The following WNT5A variants were observed in gnomAD, a reference collection of about 807,000 sequenced individuals.
The protein encoded by WNT5A is Wnt family member 5A.
Under a neutral mutation model 42.1 loss-of-function variants are expected in WNT5A, and 9 were observed. The observed-to-expected ratio is 0.21, with a 90% CI of 0.13 to 0.37. The LOEUF (loss-of-function observed/expected upper bound fraction) is 0.37, where lower values mean the gene tolerates loss of function less well. Ranked by LOEUF, WNT5A falls within the 10% of genes least tolerant of loss-of-function variation. The pLI is 1.00. For missense variants in WNT5A, 426 were observed against 534.0 expected (o/e 0.80, Z 1.99); for synonymous variants, 210 against 210.0 (o/e 1.00, Z 0.00).
At position 55,469,935 on chromosome 3, in the gene WNT5A, C is replaced by T. The variant is rs2051213653; in HGVS notation, c.*157G>A. 1 of 708,060 alleles carries T rather than the reference C, an allele frequency of 1.4e-6. No individual in the cohort carries two copies. Among genetic ancestry groups the T allele is most frequent in the African/African-American group, 1.8e-5 (1 of 55,620 alleles). The allele number at this position is 708,060 out of a possible 1,614,324, so 43.9% of individuals were successfully genotyped here. A position where few individuals can be genotyped will look rare whatever the true frequency, so the allele number is the denominator to read the frequency against. On this transcript the variant is annotated 3_prime_UTR_variant, in exon 5 of 5. Coordinates refer to ENST00000264634, the MANE Select transcript of WNT5A (RefSeq NM_003392.7). The stretch of plus-strand genomic sequence containing the variant: ...TAATAATTATAATATTAATAATAAA[C>T]CACAGAGTTCTTAGATGGTAACAGG...
At chr3:55,470,592 G>T (rs767555957) in intron 4 of WNT5A, 42 bp from the exon 5 acceptor site, 8 of 1,456,478 alleles carry the variant, frequency 5.5e-6, no homozygotes, top group Non-Finnish European at 7.3e-6. Context: ...ATTCATGGAG[G>T]AGCCAGATGC....
chr3:55,485,590 C>G (rs1295303934), intron 1 of WNT5A, among the ~76,000 whole-genome samples: 3 of 152,158 alleles, frequency 2.0e-5, no homozygotes, highest in African/African-American at 4.8e-5. Flanking sequence ...CCGCATTGCC[C>G]CCTCGAAACT....
At chr3:55,502,637 A>G in the WNT5A span, among the ~76,000 whole-genome samples, 1 of 152,184 alleles carries the variant, frequency 6.6e-6, no homozygotes, top group Non-Finnish European at 1.5e-5. Flanking sequence ...TTTTCATAGA[A>G]CCCATTAAGC....
rs564278160 is a variant in WNT5A, at chr3:55,474,671, C to T, written c.392-42G>A. ...GGGATCACTGGCCGCCTGCCTCACG[C>T]GCTGGGCCGGGATGCTGCCGGGGGT... On this transcript the variant is annotated intron_variant, in intron 3 of 4. Transcript: ENST00000264634. 332 of 894,446 alleles carry T rather than the reference C, an allele frequency of 3.7e-4. 5 individuals are homozygous for T. In the South Asian group the frequency reaches 7.5e-3, roughly 20 times the overall value. The allele number at this position is 894,446 out of a possible 1,614,324, so 55.4% of individuals were successfully genotyped here.
the WNT5A span, among the ~76,000 whole-genome samples, chr3:55,500,937 A>G: frequency 6.6e-6 from 1 of 152,252 alleles, no homozygotes; most frequent in African/African-American, 2.4e-5. Flanking sequence ...ACCAGAATCA[A>G]AAAAGAGGTA....
rs753476293 is a variant in WNT5A at position 55,465,977 on chromosome 3, A to G, written c.*4115T>C. On this transcript the variant is annotated 3_prime_UTR_variant, in exon 5 of 5. Coordinates refer to ENST00000264634, the MANE Select transcript of WNT5A (RefSeq NM_003392.7). ...TTTTTTAAAGTTAGCTAACAAGATG[A>G]TGTTTCACTAAAATAAAATATCCAA... 5 of 152,194 alleles carry G rather than the reference A, an allele frequency of 3.3e-5. No individual in the cohort carries two copies. The highest frequency in any genetic ancestry group is 7.3e-5 in the Non-Finnish European group (5 of 68,030). The allele number at this position is 152,194 out of a possible 1,614,324, so 9.4% of individuals were successfully genotyped here.
chr3:55,492,279 C>G (rs867026622), upstream of WNT5A, among the ~76,000 whole-genome samples: 1 of 151,966 alleles, frequency 6.6e-6, no homozygotes, highest in Non-Finnish European at 1.5e-5. Flanking sequence ...TTTTAGGGAA[C>G]CTGTGGGTCA....
rs781134677 is a variant in WNT5A at position 55,486,999 on chromosome 3, G to A, written c.-14C>T. On this transcript the variant is annotated 5_prime_UTR_variant, in exon 1 of 5. Coordinates refer to ENST00000264634, the MANE Select transcript of WNT5A (RefSeq NM_003392.7). ...ACCTACCTTCATGGCGAGGGGGAGG[G>A]GGCGCGGGGAGGAAGTCGCCACCCG... 71 of 1,611,490 alleles carry A rather than the reference G, an allele frequency of 4.4e-5. No homozygotes were observed. The highest frequency in any genetic ancestry group is 5.6e-5 in the Non-Finnish European group (66 of 1,178,872).
chr3:55,475,788 G>A (rs1207639023), intron 3 of WNT5A, among the ~76,000 whole-genome samples: 2 of 152,170 alleles, frequency 1.3e-5, no homozygotes, highest in Admixed American at 6.5e-5. Flanking sequence ...TATTTGTAAG[G>A]AGAAAACTGG....
chr3:55,496,371 T>C, the WNT5A span, among the ~76,000 whole-genome samples: 1 of 152,222 alleles, frequency 6.6e-6, no homozygotes, highest in African/African-American at 2.4e-5. Context: ...AAGATCCCCA[T>C]GTCATTGAAT....
chr3:55,485,085 G>A (rs1385129093), intron 1 of WNT5A, among the ~76,000 whole-genome samples: 2 of 152,030 alleles, frequency 1.3e-5, no homozygotes, highest in African/African-American at 4.8e-5. Flanking sequence ...GTATTGCAGC[G>A]GCCGGCGGCG....
chr3:55,496,548 G>A, the WNT5A span, among the ~76,000 whole-genome samples: 2 of 152,160 alleles, frequency 1.3e-5, no homozygotes, highest in Non-Finnish European at 2.9e-5. Context: ...AGTATATACA[G>A]GAACGCGATG....
rs539516262 is a variant in WNT5A, at chr3:55,486,419, C to T, written c.6+561G>A. On this transcript the variant is annotated intron_variant, in intron 1 of 4. Coordinates refer to ENST00000264634, the MANE Select transcript of WNT5A (RefSeq NM_003392.7). ...AGGGGCCTGAAGCGCTCGAGTTACT[C>T]GGCCAAGGCAAGCCTACAATCTGGC... Among the ~76,000 whole-genome samples, 19 of 152,352 alleles carry T rather than the reference C, an allele frequency of 1.2e-4. No homozygotes were observed. The South Asian group carries it at 3.7e-3, about 30-fold the overall frequency.
chr3:55,486,934 G>T, intron 1 of WNT5A, 46 bp downstream of exon 1: 3 of 1,499,936 alleles, frequency 2.0e-6, no homozygotes, highest in Non-Finnish European at 1.9e-6. Flanking sequence ...CCAACAGGGG[G>T]TGGGGGGAAG....
chr3:55,488,496 A>G (rs111369410), upstream of WNT5A, among the ~76,000 whole-genome samples: 1 of 145,186 alleles, frequency 6.9e-6, no homozygotes, highest in Non-Finnish European at 1.6e-5. Flanking sequence ...GAGAGAGGGA[A>G]GGGGGGGGAA....
chr3:55,501,003 C>G, the WNT5A span, among the ~76,000 whole-genome samples: 1 of 152,164 alleles, frequency 6.6e-6, no homozygotes, highest in Non-Finnish European at 1.5e-5. Flanking sequence ...CCCCATTAAT[C>G]CACTCAATAC....
intron 3 of WNT5A, among the ~76,000 whole-genome samples, chr3:55,476,303 A>G (rs2051356016): frequency 1.3e-5 from 2 of 152,184 alleles, no homozygotes; most frequent in Non-Finnish European, 2.9e-5. Context: ...GAATGACTTG[A>G]AGGTGTGTGC....
intron 4 of WNT5A, among the ~76,000 whole-genome samples, chr3:55,471,789 A>G (rs1466116044): frequency 6.6e-6 from 1 of 152,190 alleles, no homozygotes; most frequent in Non-Finnish European, 1.5e-5. Flanking sequence ...GTGACCCTCC[A>G]GAGTCCACGT....
At chr3:55,493,220 A>G (rs1035439204), upstream of WNT5A, among the ~76,000 whole-genome samples, 3 of 152,210 alleles carry the variant, frequency 2.0e-5, no homozygotes, top group African/African-American at 4.8e-5. Flanking sequence ...TGCTCAGGTC[A>G]TGTCACATCT....
Sources: gnomAD v4.1 joint callset for allele counts (sites outside exome capture counted in the v4.1 genomes callset) on GRCh38, gnomAD v4.1.1 for gene constraint, MANE v1.5 for transcripts, NCBI Gene and HGNC (gene_info 2026-07-23, HGNC 2026-07-21) for gene names.